Variants in PSIP1 observed in about 807,000 individuals in gnomAD.
PSIP1 encodes PC4 and SFRS1-interacting protein.
PSIP1 carries 19 observed loss-of-function variants against 74.7 expected under a neutral mutation model. The ratio of observed to expected loss-of-function variants is 0.25; its 90% CI spans 0.18 to 0.37. The LOEUF is 0.37. PSIP1 is among the 10% of genes least tolerant of loss of function. The pLI, the probability that PSIP1 is intolerant of heterozygous loss-of-function variation, is 1.00. For missense variants in PSIP1, 601 were observed against 614.3 expected, an observed-to-expected ratio of 0.98 and a Z score of 0.23; for synonymous variants, 222 against 195.3, an observed-to-expected ratio of 1.14 and a Z score of -1.14.
At chr9:15,469,570 C>T (rs1359159183) in intron 11 of PSIP1, among the ~76,000 whole-genome samples, 5 of 152,056 alleles carry the variant, frequency 3.3e-5, no homozygotes, top group African/African-American at 4.8e-5. Context: ...CACTTGGCTG[C>T]GTTTTTCCTA....
At chr9:15,484,911 CAAAAAAAAAAAAAA>C (rs59867087) in intron 6 of PSIP1, among the ~76,000 whole-genome samples, 1 of 81,890 alleles carries the variant, frequency 1.2e-5, no homozygotes, top group Non-Finnish European at 2.4e-5. Context: ...AGATCCGTCT[CAAAAAAAAAAAAAA>C]AAAAAAAAAT....
chr9:15,469,184 C>T (rs1253286839), intron 12 of PSIP1, 82 bp downstream of exon 12: 1 of 1,322,208 alleles, frequency 7.6e-7, no homozygotes, highest in East Asian at 2.3e-5. Context: ...CTTAAATTTA[C>T]ATACTCATAA....
intron 11 of PSIP1, 133 bp from the exon 12 acceptor site, chr9:15,469,469 G>A (rs963973612): frequency 8.6e-6 from 5 of 579,692 alleles, no homozygotes; most frequent in Non-Finnish European, 1.5e-5. Context: ...GAAGCTCAAA[G>A]ATATGCACAA....
intron 10 of PSIP1, chr9:15,472,181 A>G (rs1178780315): frequency 1.0e-6 from 1 of 986,480 alleles, no homozygotes; most frequent in African/African-American, 1.7e-5. Flanking sequence ...ATTTACTTTT[A>G]CTGGCTTCCT....
At chr9:15,478,390 G>A (rs2036188704) in intron 8 of PSIP1, 87 bp downstream of exon 8, 1 of 1,045,606 alleles carries the variant, frequency 9.6e-7, no homozygotes, top group Non-Finnish European at 1.4e-6. Flanking sequence ...TCCTGTAAGA[G>A]AAAACTGATA....
chr9:15,504,934 T>C (rs1013467374), intron 3 of PSIP1: 1 of 151,434 alleles, frequency 6.6e-6, no homozygotes, highest in Non-Finnish European at 1.5e-5. Flanking sequence ...CTTTATTCAG[T>C]AGGTCTAGAA....
At chr9:15,504,669 G>A (rs1023437434) in intron 3 of PSIP1, among the ~76,000 whole-genome samples, 47 of 151,810 alleles carry the variant, frequency 3.1e-4, no homozygotes, top group African/African-American at 1.1e-3. Flanking sequence ...CCCAGGAGGC[G>A]GAGCATGCAG....
At chr9:15,469,184 CAT>C (rs1178329372) in intron 12 of PSIP1, 80 bp downstream of exon 12, 2 of 1,322,090 alleles carry the variant, frequency 1.5e-6, no homozygotes, top group African/African-American at 3.0e-5. Context: ...CTTAAATTTA[CAT>C]ACTCATAAGA....
At chr9:15,488,895 C>T (rs1406706646) in intron 4 of PSIP1, among the ~76,000 whole-genome samples, 1 of 152,106 alleles carries the variant, frequency 6.6e-6, no homozygotes, top group East Asian at 1.9e-4. Context: ...GTGGCGGGCA[C>T]CTGTAGTCCC....
At chr9:15,493,603 A>G (rs932372072) in intron 3 of PSIP1, among the ~76,000 whole-genome samples, 3 of 152,238 alleles carry the variant, frequency 2.0e-5, no homozygotes, top group African/African-American at 4.8e-5. Flanking sequence ...TGGATAGTTT[A>G]TAAAGAAAAG....
Position 15,469,048 on chromosome 9 carries a change from C to G in PSIP1, c.1115G>C (p.Arg372Thr). Residue 372 changes from arginine to threonine, a missense_variant, in exon 13 of 16, where the codon AGA becomes ACA. Arg to Thr is a moderately conservative substitution (Grantham distance 71). Around this residue, in one of 2 missense-constraint regions of PSIP1, gnomAD observed 538 missense variants for 507.6 expected, o/e 1.06. Transcript: ENST00000380733. ...AAGTTCATCCAAGGCCTCAATGCATCTGTTCACATCCTTCATGACAAAACA... is the reference window on the plus strand; with the variant it reads ...AAGTTCATCCAAGGCCTCAATGCATGTGTTCACATCCTTCATGACAAAACA... The part of the protein sequence containing the change: ...SLKIDNLDVN[R>T]CIEALDELAS... The G allele has an allele frequency of 6.2e-7, 1 of 1,613,386 alleles. No individual in the cohort carries two copies.
At chr9:15,471,879 A>C in intron 10 of PSIP1, 1 of 982,724 alleles carries the variant, frequency 1.0e-6, no homozygotes, top group Non-Finnish European at 1.2e-6. Context: ...CAAAAAAACA[A>C]AATTTAGTCA....
intron 10 of PSIP1, 127 bp from the exon 11 acceptor site, chr9:15,470,120 A>T: frequency 2.9e-6 from 2 of 698,214 alleles, no homozygotes; most frequent in Non-Finnish European, 4.9e-6. Flanking sequence ...AAAGGAACTG[A>T]CTGTAGCTCT....
At chr9:15,508,996 G>C (rs972452819) in intron 2 of PSIP1, among the ~76,000 whole-genome samples, 6 of 152,300 alleles carry the variant, frequency 3.9e-5, no homozygotes, top group South Asian at 4.2e-4. Context: ...CTTGTGAACA[G>C]GAGTTTACGT....
chr9:15,479,865 T>C (rs2036260584), intron 6 of PSIP1, among the ~76,000 whole-genome samples, 178 bp from the exon 7 acceptor site: 1 of 152,186 alleles, frequency 6.6e-6, no homozygotes, highest in South Asian at 2.1e-4. Context: ...ACTTAGTTTA[T>C]AACTCTAGTG....
intron 12 of PSIP1, 38 bp from the exon 13 acceptor site, chr9:15,469,096 T>C (rs2035738507): frequency 1.3e-6 from 2 of 1,539,804 alleles, no homozygotes; most frequent in Admixed American, 1.8e-5. Flanking sequence ...CTGTTAATTA[T>C]CTTAACACTT....
At position 15,502,423 on chromosome 9, in the gene PSIP1, T is replaced by A. The variant is rs150689158; in HGVS notation, c.149+4138A>T. On this transcript the variant is annotated intron_variant, in intron 3 of 15. Transcript: ENST00000380733. ...TGAAGAGTGGAAACTGAAACCAACA[T>A]AGAGTAAGCGCACTATTTTTAATTT... Among the ~76,000 whole-genome samples the A allele has an allele frequency of 9.9e-5, 15 of 152,082 alleles. No homozygotes were observed. In the East Asian group the frequency reaches 2.7e-3, roughly 27 times the overall value.
chr9:15,502,602 C>G (rs2037398741), intron 3 of PSIP1, among the ~76,000 whole-genome samples: 1 of 152,140 alleles, frequency 6.6e-6, no homozygotes, highest in African/African-American at 2.4e-5. Context: ...AGTAATTACG[C>G]ATGGACTTGA....
At chr9:15,490,211 A>C in intron 3 of PSIP1, 87 bp from the exon 4 acceptor site, 2 of 1,225,934 alleles carry the variant, frequency 1.6e-6, no homozygotes, top group Non-Finnish European at 2.2e-6. Flanking sequence ...ACAATTATCA[A>C]AAATACAGAA....
Sources: allele counts gnomAD v4.1 joint callset (sites outside exome capture counted in the v4.1 genomes callset), GRCh38; gene constraint gnomAD v4.1.1; regional missense constraint gnomAD v4.1.1; transcripts MANE v1.5; gene names NCBI Gene and HGNC (gene_info 2026-07-23, HGNC 2026-07-21).